The following USP10 variants were observed in gnomAD, a reference collection of about 807,000 sequenced individuals.
USP10 encodes the protein ubiquitin specific peptidase 10, also known as ubiquitin carboxyl-terminal hydrolase 10.
A neutral mutation model predicts 84.5 loss-of-function variants in USP10; 22 were observed. The ratio of observed to expected loss-of-function variants is 0.26; its 90% CI spans 0.19 to 0.37. The LOEUF (loss-of-function observed/expected upper bound fraction) is 0.37, where lower values mean the gene tolerates loss of function less well. Among genes scored for constraint, USP10 ranks in the 10% least tolerant of loss-of-function variants. USP10 has a pLI of 1.00. For missense variants in USP10, 1,019 were observed against 998.9 expected (o/e 1.02, Z -0.27); for synonymous variants, 454 against 387.6 (o/e 1.17, Z -2.01).
intron 4 of USP10, among the ~76,000 whole-genome samples, chr16:84,751,093 A>G (rs932786485): frequency 1.1e-4 from 16 of 152,216 alleles, no homozygotes; most frequent in African/African-American, 3.6e-4. Flanking sequence ...GTCCCATAAG[A>G]TTATAATGGA....
intron 9 of USP10, 136 bp from the exon 10 acceptor site, chr16:84,763,950 C>T (rs189533036): frequency 3.6e-6 from 4 of 1,119,748 alleles, no homozygotes; most frequent in Non-Finnish European, 5.0e-6. Flanking sequence ...GCTCCTGTTG[C>T]GATTGGTTGC....
At chr16:84,700,408 C>A (rs562139642) in intron 1 of USP10, among the ~76,000 whole-genome samples, 140 of 152,002 alleles carry the variant, frequency 9.2e-4, no homozygotes, top group Middle Eastern at 3.4e-3. Context: ...GGGGCTGGAC[C>A]GCGGGGCGAG....
At chr16:84,717,438 C>G (rs1907186793) in intron 1 of USP10, among the ~76,000 whole-genome samples, 1 of 152,178 alleles carries the variant, frequency 6.6e-6, no homozygotes, top group Non-Finnish European at 1.5e-5. Flanking sequence ...CCTTCCCTGA[C>G]CCCAGTTCTT....
At chr16:84,722,097 G>A (rs755786718) in intron 1 of USP10, among the ~76,000 whole-genome samples, 114 of 152,272 alleles carry the variant, frequency 7.5e-4, no homozygotes, top group Non-Finnish European at 3.8e-4. Flanking sequence ...ATGCCCCTTT[G>A]CCATGAATCC....
chr16:84,745,637 C>G lies in USP10; in HGVS notation c.1156C>G (p.Pro386Ala), dbSNP rs199654727. Reference sequence around the variant, plus strand: ...GGTTGAAGTCAAAGAAGGGCTTGTTCCGGTTTCAGAGGATCCTGTAGCCAT... The same window carrying G: ...GGTTGAAGTCAAAGAAGGGCTTGTTGCGGTTTCAGAGGATCCTGTAGCCAT... ...KQVEVKEGLV[P>A]VSEDPVAIKI... is the part of the protein sequence containing the mutation. The change falls in exon 4 of 14, where the codon CCG (proline) becomes GCG (alanine). Residue 386 changes from proline (P) to alanine (A), a missense_variant. Physicochemically the swap from Pro to Ala is conservative, Grantham distance 27. Around this residue, in one of 2 missense-constraint regions of USP10, gnomAD observed 787 missense variants for 708.8 expected, o/e 1.11. Coordinates refer to ENST00000219473, the MANE Select transcript of USP10 (RefSeq NM_005153.3). The G allele has an allele frequency of 4.3e-6, 7 of 1,613,022 alleles. No individual in the cohort carries two copies. The highest frequency in any genetic ancestry group is 4.5e-5 in the East Asian group (2 of 44,862).
intron 1 of USP10, among the ~76,000 whole-genome samples, chr16:84,728,494 C>G (rs1470317874): frequency 6.6e-6 from 1 of 152,072 alleles, no homozygotes; most frequent in Non-Finnish European, 1.5e-5. Flanking sequence ...CATGTGCCAC[C>G]ACGCCCGGCT....
intron 2 of USP10, 32 bp from the exon 3 acceptor site, chr16:84,740,277 A>C (rs759875763): frequency 1.3e-6 from 2 of 1,595,928 alleles, no homozygotes; most frequent in South Asian, 2.3e-5. Flanking sequence ...CATTTTGTTG[A>C]ATTAAAATTT....
chr16:84,717,416 G>C (rs945874645), intron 1 of USP10, among the ~76,000 whole-genome samples: 1 of 152,192 alleles, frequency 6.6e-6, no homozygotes, highest in East Asian at 1.9e-4. Context: ...GTACACACTA[G>C]CTGTATGTCC....
chr16:84,747,222 T>G (rs984206258), intron 4 of USP10, among the ~76,000 whole-genome samples: 5 of 152,186 alleles, frequency 3.3e-5, no homozygotes, highest in Admixed American at 3.3e-4. Context: ...AGTAGCCAAG[T>G]TAAAATAAGC....
intron 10 of USP10, among the ~76,000 whole-genome samples, chr16:84,766,600 G>C (rs1393417625): frequency 6.6e-6 from 1 of 152,208 alleles, no homozygotes; most frequent in Non-Finnish European, 1.5e-5. Flanking sequence ...GCAGAGGCCG[G>C]GTATCAGAAT....
intron 12 of USP10, among the ~76,000 whole-genome samples, chr16:84,774,725 T>C (rs1433685309): frequency 1.3e-5 from 2 of 152,318 alleles, no homozygotes; most frequent in East Asian, 3.9e-4. Context: ...CGTCTCAGCC[T>C]CCCAAAGTGC....
At chr16:84,778,019 T>A (rs1915192232) in intron 13 of USP10, among the ~76,000 whole-genome samples, 1 of 152,132 alleles carries the variant, frequency 6.6e-6, no homozygotes, top group African/African-American at 2.4e-5. Flanking sequence ...TCATGACATC[T>A]TCTACAGATT....
Position 84,778,093 on chromosome 16 carries a change from G to C in USP10, c.2210-802G>C, listed in dbSNP as rs1275896713. 2.1e-5 allele frequency among the ~76,000 whole-genome samples: 3 copies of C among 145,488 alleles called. No homozygotes were observed. In the South Asian group the frequency reaches 6.4e-4, roughly 31 times the overall value. On this transcript the variant is annotated intron_variant, in intron 13 of 13. Coordinates refer to ENST00000219473, the MANE Select transcript of USP10 (RefSeq NM_005153.3). ...GGATTTTTTTTTTAAGTAAATAACT[G>C]TGTGTGTGTGTGTGTGTGTGTGTGT...
rs1374090192 is a variant in USP10 at position 84,759,914 on chromosome 16, C to G, written c.1418C>G (p.Thr473Ser). 6.8e-6 allele frequency: 11 copies of G among 1,613,982 alleles called. No homozygotes were observed. Among genetic ancestry groups the G allele is most frequent in the South Asian group, 1.1e-5 (1 of 91,080 alleles). ...AGTGTTCGGCTAATGAATGAGTTCA[C>G]TAATATGCCAGTACCTCCAAAACCC... ...DSFVRLMNEF[T>S]NMPVPPKPRQ... is the part of the protein sequence containing the mutation. Residue 473 changes from threonine (T) to serine (S), a missense_variant, in exon 7 of 14, where the codon ACT becomes AGT. Around this residue, in one of 2 missense-constraint regions of USP10, gnomAD observed 787 missense variants for 708.8 expected, o/e 1.11. Coordinates refer to ENST00000219473, the MANE Select transcript of USP10 (RefSeq NM_005153.3).
intron 10 of USP10, among the ~76,000 whole-genome samples, chr16:84,764,937 A>AG (rs1364532157): frequency 1.3e-5 from 1 of 76,902 alleles, no homozygotes; most frequent in African/African-American, 5.0e-5. Context: ...GAGAGAAAAA[A>AG]AAATATATAT....
At position 84,745,082 on chromosome 16, in the gene USP10, C is replaced by T. The variant is rs746632765; in HGVS notation, c.601C>T (p.Pro201Ser). ...AEDAEFMGDM[P>S]PSVTPRTCNS... is the part of the protein sequence containing the mutation. ...GGATGCAGAATTTATGGGTGACATG[C>T]CCCCGTCAGTTACGCCCAGGACTTG... Residue 201 changes from proline to serine, a missense_variant, in exon 4 of 14, where the codon CCC becomes TCC. This residue lies in a region of USP10 where 787 missense variants were observed against 708.8 expected (regional missense o/e 1.11). Transcript: ENST00000219473. 4.3e-6 allele frequency: 7 copies of T among 1,613,452 alleles called. No homozygotes were observed. The highest frequency in any genetic ancestry group is 5.9e-6 in the Non-Finnish European group (7 of 1,179,602).
At chr16:84,742,308 A>G (rs1041560715) in intron 3 of USP10, among the ~76,000 whole-genome samples, 5 of 152,228 alleles carry the variant, frequency 3.3e-5, no homozygotes, top group African/African-American at 1.2e-4. Flanking sequence ...AGTTTCTGAT[A>G]GAAGTTGATC....
intron 4 of USP10, among the ~76,000 whole-genome samples, chr16:84,752,175 G>C (rs1434852446): frequency 2.0e-5 from 3 of 152,120 alleles, no homozygotes; most frequent in African/African-American, 7.2e-5. Flanking sequence ...AGTCATTCTG[G>C]CATTTTGTGC....
intron 11 of USP10, among the ~76,000 whole-genome samples, chr16:84,771,859 ACTCC>A (rs1914492392): frequency 1.3e-5 from 2 of 151,832 alleles, no homozygotes; most frequent in African/African-American, 4.8e-5. Context: ...CAGAGTGAGA[ACTCC>A]CTCCCCCCAA....
Sources: allele counts gnomAD v4.1 joint callset (sites outside exome capture counted in the v4.1 genomes callset), GRCh38; gene constraint gnomAD v4.1.1; regional missense constraint gnomAD v4.1.1; transcripts MANE v1.5; gene names NCBI Gene and HGNC (gene_info 2026-07-23, HGNC 2026-07-21).